The following HGF variants were observed in gnomAD, a reference collection of about 807,000 sequenced individuals.
HGF encodes fibroblast-derived tumor cytotoxic factor.
In HGF, 39 loss-of-function variants were observed where a neutral mutation model predicts 111.6. The ratio of observed to expected loss-of-function variants is 0.35; its 90% CI spans 0.27 to 0.46. The LOEUF is 0.46. HGF is among the 20% of genes least tolerant of loss of function. The pLI is 1.00. For synonymous variants in HGF, 285 were observed against 294.8 expected, an observed-to-expected ratio of 0.97 and a Z score of 0.34; for missense variants, 735 against 910.5, an observed-to-expected ratio of 0.81 and a Z score of 2.48.
At chr7:81,710,007 A>C (rs1014233117) in intron 13 of HGF, 140 bp downstream of exon 13, 3 of 687,810 alleles carry the variant, frequency 4.4e-6, no homozygotes, top group Non-Finnish European at 8.0e-6. Flanking sequence ...AGCAGATGTG[A>C]TCAGCTTCCT....
intron 10 of HGF, among the ~76,000 whole-genome samples, chr7:81,720,303 A>T (rs1789819525): frequency 6.6e-6 from 1 of 152,210 alleles, no homozygotes; most frequent in East Asian, 1.9e-4. Context: ...GTGATTATTC[A>T]TTGATTTTTC....
chr7:81,746,957 G>A (rs1788282030), intron 5 of HGF, among the ~76,000 whole-genome samples: 1 of 152,128 alleles, frequency 6.6e-6, no homozygotes, highest in Non-Finnish European at 1.5e-5. Flanking sequence ...CTGGGCTGGG[G>A]CACTAATAAC....
At chr7:81,703,239 C>CT (rs372126265) in intron 17 of HGF, among the ~76,000 whole-genome samples, 16,528 of 142,656 alleles carry the variant, frequency 0.12, 1,014 homozygotes, top group Middle Eastern at 0.16. Flanking sequence ...ATTTCTAAAG[C>CT]TTTTTTTTTT....
At chr7:81,733,036 A>T (rs1246756946) in intron 7 of HGF, among the ~76,000 whole-genome samples, 7 of 152,162 alleles carry the variant, frequency 4.6e-5, no homozygotes, top group African/African-American at 1.7e-4. Flanking sequence ...AAAAATAGCA[A>T]TGATATAAAT....
chr7:81,743,109 C>T (rs993105305), intron 7 of HGF, among the ~76,000 whole-genome samples: 3 of 152,130 alleles, frequency 2.0e-5, no homozygotes, highest in African/African-American at 4.8e-5. Flanking sequence ...AATGTTTAGG[C>T]TCTTGCCATA....
intron 1 of HGF, among the ~76,000 whole-genome samples, chr7:81,764,687 G>C (rs1003214884): frequency 6.6e-6 from 1 of 151,850 alleles, no homozygotes; most frequent in Non-Finnish European, 1.5e-5. Flanking sequence ...TTATAAATAC[G>C]CAAAGTTTTA....
chr7:81,704,231 G>A (rs5745761), intron 17 of HGF, among the ~76,000 whole-genome samples: 2,820 of 151,616 alleles, frequency 0.019, 47 homozygotes, highest in Middle Eastern at 0.034. Flanking sequence ...AACTGAAGAG[G>A]GAAGTGAAAA....
At chr7:81,741,351 G>T (rs1787993395) in intron 7 of HGF, among the ~76,000 whole-genome samples, 1 of 152,070 alleles carries the variant, frequency 6.6e-6, no homozygotes. Flanking sequence ...GAATTATATA[G>T]CATGTTACTT....
chr7:81,762,703 T>C lies in HGF; in HGVS notation c.254+4A>G. On this transcript the variant is annotated splice_donor_region_variant and intron_variant, in intron 2 of 17. Transcript: ENST00000222390. ...TATTCTAAGAAGAAAATGAAGTAAC[T>C]TACTTGCAAGTGAATGGAAGTCCTT... is the stretch of plus-strand genomic sequence containing the variant. 1 of 1,600,880 alleles carries C rather than the reference T, an allele frequency of 6.2e-7. No homozygotes were observed. Among genetic ancestry groups the C allele is most frequent in the Non-Finnish European group, 8.6e-7 (1 of 1,168,050 alleles).
intron 5 of HGF, among the ~76,000 whole-genome samples, chr7:81,746,187 GA>G (rs1788244306): frequency 6.6e-6 from 1 of 152,160 alleles, no homozygotes; most frequent in Admixed American, 6.6e-5. Flanking sequence ...ATCTAATAGG[GA>G]CATTAACTAT....
chr7:81,710,257 A>G lies in HGF; in HGVS notation c.1445-14T>C. On this transcript the variant is annotated splice_polypyrimidine_tract_variant and intron_variant, in intron 12 of 17. Transcript: ENST00000222390. ...ATATTACGGGATCTGAAACAGGACC[A>G]AACATAACATTTTTTAAAATAAGAA... The G allele has an allele frequency of 6.4e-7, 1 of 1,566,064 alleles. No individual in the cohort carries two copies. Among genetic ancestry groups the G allele is most frequent in the Non-Finnish European group, 8.8e-7 (1 of 1,136,276 alleles).
At chr7:81,769,764 A>T in intron 1 of HGF, 120 bp downstream of exon 1, 1 of 765,382 alleles carries the variant, frequency 1.3e-6, no homozygotes, top group Non-Finnish European at 2.3e-6. Context: ...CCTATACTAC[A>T]TACTGAGTTC....
At chr7:81,751,385 T>C in intron 5 of HGF, 1 of 985,242 alleles carries the variant, frequency 1.0e-6, no homozygotes, top group Non-Finnish European at 1.2e-6. Flanking sequence ...CATACAATGC[T>C]GAAATGGTTA....
intron 4 of HGF, chr7:81,756,586 T>C (rs776330637): frequency 1.9e-5 from 3 of 160,104 alleles, no homozygotes; most frequent in Non-Finnish European, 4.1e-5. Flanking sequence ...AGGCGATAGG[T>C]GAGATGGAAA....
chr7:81,733,776 T>G (rs1787740424), intron 7 of HGF, among the ~76,000 whole-genome samples: 1 of 152,152 alleles, frequency 6.6e-6, no homozygotes, highest in African/African-American at 2.4e-5. Context: ...AGGACCATGA[T>G]GAATGATTTG....
chr7:81,736,056 A>G (rs890539486), intron 7 of HGF, among the ~76,000 whole-genome samples: 12 of 151,900 alleles, frequency 7.9e-5, no homozygotes, highest in African/African-American at 2.2e-4. Flanking sequence ...GACACAATTC[A>G]CTCCAGAGCA....
intron 8 of HGF, among the ~76,000 whole-genome samples, chr7:81,728,108 C>T (rs747548754): frequency 3.6e-4 from 55 of 152,280 alleles, no homozygotes; most frequent in African/African-American, 1.3e-3. Context: ...GTGACCAGTA[C>T]GCCCCCTCAC....
intron 5 of HGF, 85 bp downstream of exon 5, chr7:81,752,035 T>C (rs1470663710): frequency 1.3e-6 from 2 of 1,578,740 alleles, no homozygotes; most frequent in African/African-American, 2.7e-5. Flanking sequence ...TTATGATTGA[T>C]TCGTTGCTGT....
At chr7:81,706,219 C>T in intron 15 of HGF, 68 bp downstream of exon 15, 4 of 1,411,624 alleles carry the variant, frequency 2.8e-6, no homozygotes, top group Non-Finnish European at 4.0e-6. Context: ...AACTGCCACA[C>T]AGCTGAAGAA....
Sources: allele counts gnomAD v4.1 joint callset (sites outside exome capture counted in the v4.1 genomes callset), GRCh38; gene constraint gnomAD v4.1.1; transcripts MANE v1.5; gene names NCBI Gene and HGNC (gene_info 2026-07-23, HGNC 2026-07-21).